Variants in MAPK10 observed in about 807,000 individuals in gnomAD.
The protein encoded by MAPK10 is mitogen-activated protein kinase 10.
In MAPK10, 25 loss-of-function variants were observed where a neutral mutation model predicts 59.3. That is an observed-to-expected ratio of 0.42 (90% CI 0.31 to 0.59). The LOEUF is 0.59. MAPK10 is among the 20% of genes least tolerant of loss of function. The pLI is 0.15. For missense variants in MAPK10, 351 were observed against 568.9 expected, an observed-to-expected ratio of 0.62 and a Z score of 3.90; for synonymous variants, 190 against 200.5, an observed-to-expected ratio of 0.95 and a Z score of 0.44.
At chr4:86,428,903 C>T (rs1337240456) in intron 1 of MAPK10, among the ~76,000 whole-genome samples, 1 of 152,230 alleles carries the variant, frequency 6.6e-6, no homozygotes, top group South Asian at 2.1e-4. Flanking sequence ...TTTCATCTTT[C>T]AAGATGCAAA....
intron 1 of MAPK10, among the ~76,000 whole-genome samples, chr4:86,413,936 C>A (rs1745525880): frequency 6.6e-6 from 1 of 152,190 alleles, no homozygotes; most frequent in Non-Finnish European, 1.5e-5. Context: ...ACTGTCCAAC[C>A]AGTCCCAGTG....
At chr4:86,201,956 T>C (rs180745428) in intron 2 of MAPK10, among the ~76,000 whole-genome samples, 60 of 151,994 alleles carry the variant, frequency 3.9e-4, no homozygotes, top group African/African-American at 1.3e-3. Flanking sequence ...TCTCCAATCC[T>C]TTGAGCTATT....
intron 2 of MAPK10, among the ~76,000 whole-genome samples, chr4:86,298,183 A>C (rs1443846624): frequency 6.6e-6 from 1 of 152,098 alleles, no homozygotes; most frequent in Non-Finnish European, 1.5e-5. Flanking sequence ...CAGATTACCC[A>C]GCCGAATATT....
chr4:86,025,249 T>C, intron 13 of MAPK10: 1 of 348,948 alleles, frequency 2.9e-6, no homozygotes, highest in South Asian at 1.5e-4. Flanking sequence ...TAAATATAGT[T>C]GTTAAATGTT....
chr4:86,103,085 G>GTGTGTC, intron 6 of MAPK10, 101 bp downstream of exon 6: 1 of 711,882 alleles, frequency 1.4e-6, no homozygotes, highest in Middle Eastern at 2.6e-4. Context: ...CTGTGTGTGT[G>GTGTGTC]TGTGTGTGTG....
intron 2 of MAPK10, among the ~76,000 whole-genome samples, chr4:86,275,554 T>C (rs891983823): frequency 2.6e-5 from 4 of 152,140 alleles, no homozygotes; most frequent in African/African-American, 9.6e-5. Context: ...GTGTTACATC[T>C]GCCCCAGCCT....
intron 9 of MAPK10, chr4:86,091,565 T>G (rs2053174562): frequency 8.1e-6 from 1 of 124,040 alleles, no homozygotes; most frequent in Non-Finnish European, 1.7e-5. Context: ...TTTTTTTTTT[T>G]GCTGTTCTTC....
At chr4:86,569,114 T>C (rs1761271808) in intron 1 of MAPK10, among the ~76,000 whole-genome samples, 1 of 150,480 alleles carries the variant, frequency 6.6e-6, no homozygotes. Flanking sequence ...AAAAAACAAA[T>C]AACTCCACTA....
intron 1 of MAPK10, among the ~76,000 whole-genome samples, chr4:86,477,281 C>CA (rs1169612031): frequency 6.6e-6 from 1 of 152,170 alleles, no homozygotes; most frequent in African/African-American, 2.4e-5. Flanking sequence ...ACTCTGGTGC[C>CA]AATTTAGACA....
chr4:86,556,675 T>A (rs1240571703), intron 1 of MAPK10, among the ~76,000 whole-genome samples: 1 of 152,132 alleles, frequency 6.6e-6, no homozygotes, highest in Non-Finnish European at 1.5e-5. Context: ...GAGCTGTGAT[T>A]GCAAAAAGAA....
intron 1 of MAPK10, among the ~76,000 whole-genome samples, chr4:86,423,236 T>C (rs1305334778): frequency 6.6e-6 from 1 of 152,158 alleles, no homozygotes; most frequent in Non-Finnish European, 1.5e-5. Context: ...TAAACATTTC[T>C]ATGAAAAAAA....
intron 3 of MAPK10, among the ~76,000 whole-genome samples, chr4:86,182,495 TA>T (rs1327178970): frequency 6.6e-6 from 1 of 152,104 alleles, no homozygotes; most frequent in African/African-American, 2.4e-5. Context: ...GATCTTTGAG[TA>T]TTGTCTGTTG....
chr4:86,175,748 A>G, intron 3 of MAPK10, among the ~76,000 whole-genome samples: 1 of 152,154 alleles, frequency 6.6e-6, no homozygotes, highest in East Asian at 1.9e-4. Flanking sequence ...TATTATTTAT[A>G]AATTACCTAG....
At chr4:86,314,665 A>G (rs1489816137) in intron 2 of MAPK10, among the ~76,000 whole-genome samples, 4 of 152,192 alleles carry the variant, frequency 2.6e-5, no homozygotes, top group Admixed American at 1.3e-4. Context: ...TTTAAGATAC[A>G]TGACCTTACT....
At chr4:86,107,401 G>T in intron 4 of MAPK10, 49 bp from the exon 5 acceptor site, 3 of 1,583,814 alleles carry the variant, frequency 1.9e-6, no homozygotes, top group Non-Finnish European at 2.6e-6. Context: ...AGATTCCTTA[G>T]AACTCTTGCC....
At chr4:86,111,485 A>G (rs1177390161) in intron 4 of MAPK10, among the ~76,000 whole-genome samples, 1 of 152,188 alleles carries the variant, frequency 6.6e-6, no homozygotes, top group Non-Finnish European at 1.5e-5. Flanking sequence ...TGAAATAATC[A>G]TGTGTTTTTT....
chr4:86,108,376 G>A (rs991363092), intron 4 of MAPK10, among the ~76,000 whole-genome samples: 1 of 152,076 alleles, frequency 6.6e-6, no homozygotes, highest in African/African-American at 2.4e-5. Flanking sequence ...GCTGGGTTTT[G>A]TCTTAGTTGT....
intron 4 of MAPK10, among the ~76,000 whole-genome samples, chr4:86,126,441 A>C (rs143691600): frequency 6.6e-6 from 1 of 152,096 alleles, no homozygotes; most frequent in African/African-American, 2.4e-5. Flanking sequence ...TGAAGGACTT[A>C]GCTCTGTATC....
At chr4:86,386,031 C>G (rs1010440648) in intron 1 of MAPK10, among the ~76,000 whole-genome samples, 3 of 152,118 alleles carry the variant, frequency 2.0e-5, no homozygotes, top group East Asian at 1.9e-4. Context: ...CCAAGATCTG[C>G]CCCCTGAAAG....
Sources: allele counts gnomAD v4.1 joint callset (sites outside exome capture counted in the v4.1 genomes callset), GRCh38; gene constraint gnomAD v4.1.1; transcripts MANE v1.5; gene names NCBI Gene and HGNC (gene_info 2026-07-23, HGNC 2026-07-21).